Variants in HDAC10 observed in about 807,000 individuals in gnomAD.
The protein encoded by HDAC10 is histone deacetylase 10, also known as polyamine deacetylase HDAC10.
HDAC10 carries 90 observed loss-of-function variants against 82.3 expected under a neutral mutation model. The observed-to-expected ratio is 1.09, with a 90% CI of 0.92 to 1.30. The LOEUF is 1.30. Ranked by LOEUF, HDAC10 falls within the 50% of genes most tolerant of loss-of-function variation. The probability of loss-of-function intolerance (pLI) is 0.00; values close to 1 mark genes in which losing one functional copy is unlikely to be tolerated. For missense variants in HDAC10, 934 were observed against 876.3 expected (o/e 1.07, Z -0.83); for synonymous variants, 456 against 391.7 (o/e 1.16, Z -1.94).
In HDAC10 at chr22:50,246,877, C is replaced by G. The variant is rs1205163162; in HGVS notation, c.1512G>C (p.Gln504His). The part of the protein sequence containing the change: ...AVRRGLSHGA[Q>H]RLLCVALGQL... ...CAGGATGGCCAAGTGAGGCTTACCT[C>G]TGGGCTCCGTGGGACAGGCCTCTCC... The change falls in exon 15 of 20, where the codon CAG becomes CAC. Residue 504 changes from glutamine (Q) to histidine (H), a missense_variant and splice_region_variant. Coordinates refer to ENST00000216271, the MANE Select transcript of HDAC10 (RefSeq NM_032019.6). 1 of 1,611,600 alleles carries G rather than the reference C, an allele frequency of 6.2e-7. No individual in the cohort carries two copies. The highest frequency in any genetic ancestry group is 1.7e-5 in the Admixed American group (1 of 59,898).
At position 50,248,130 on chromosome 22, in the gene HDAC10, G is replaced by A. The variant is rs374905738; in HGVS notation, c.1097C>T (p.Pro366Leu). ...SLQQQDVTAV[P>L]MSPSSHSPEG... ...TGGGGAGTGGCTGCTGGGGCTCATC[G>A]GCACAGCGGTCACATCTAGGGACAG... The change falls in exon 13 of 20, where the codon CCG (proline) becomes CTG (leucine). Residue 366 changes from proline to leucine, a missense_variant. Transcript: ENST00000216271. This position sits in a 1 kb window ranked among gnomAD's most constrained non-coding sequence, Gnocchi z 5.4. The A allele has an allele frequency of 7.8e-5, 124 of 1,584,420 alleles. No individual in the cohort carries two copies. The highest frequency in any genetic ancestry group is 6.7e-4 in the Middle Eastern group (4 of 5,928).
In HDAC10 at chr22:50,248,874, A is replaced by G. The variant is rs762691781; in HGVS notation, c.773T>C (p.Val258Ala). 2 of 1,611,608 alleles carry G rather than the reference A, an allele frequency of 1.2e-6. No homozygotes were observed. The highest frequency in any genetic ancestry group is 2.2e-5 in the South Asian group (2 of 90,646). ...PLAFEFDPEL[V>A]LVSAGFDSAI... ...TGAGTCAAATCCTGCCGAGACCAGC[A>G]CCAGCTCAGGGTCAAACTACAGGCC... is the stretch of plus-strand genomic sequence containing the variant. Residue 258 changes from valine to alanine, a missense_variant, in exon 9 of 20, where the codon GTG becomes GCG. Transcript: ENST00000216271. The surrounding 1 kb of genome is among the most constrained non-coding windows in gnomAD (Gnocchi z 5.4).
chr22:50,248,885 G>A lies in HDAC10; in HGVS notation c.762C>T (p.Asp254=), dbSNP rs1476957724. The change falls in exon 9 of 20, where the codon GAC becomes GAT. Residue 254 remains aspartate (D), a synonymous_variant. Transcript: ENST00000216271. The surrounding 1 kb of genome is among the most constrained non-coding windows in gnomAD (Gnocchi z 5.4). ...CTGCCGAGACCAGCACCAGCTCAGG[G>A]TCAAACTACAGGCCAGGCCGGAGTG... is the stretch of plus-strand genomic sequence containing the variant. The part of the protein sequence containing the change: ...HLLLPLAFEF[D]PELVLVSAGF... 2 of 1,611,354 alleles carry A rather than the reference G, an allele frequency of 1.2e-6. No individual in the cohort carries two copies. The highest frequency in any genetic ancestry group is 2.2e-5 in the East Asian group (1 of 44,866).
chr22:50,249,532 C>T lies in HDAC10; in HGVS notation c.564-78G>A. 2 of 1,605,444 alleles carry T rather than the reference C, an allele frequency of 1.2e-6. No individual in the cohort carries two copies. Among genetic ancestry groups the T allele is most frequent in the Non-Finnish European group, 8.5e-7 (1 of 1,174,526 alleles). On this transcript the variant is annotated intron_variant, in intron 6 of 19. Transcript: ENST00000216271. This position sits in a 1 kb window ranked among gnomAD's most constrained non-coding sequence, Gnocchi z 4.4. ...CTACAGCTCCCTGTAGAACGCTGAC[C>T]CCTGAGCACATGTCTGTATCTCACC...
At position 50,250,133 on chromosome 22, in the gene HDAC10, C is replaced by A. The variant is rs149121852; in HGVS notation, c.319G>T (p.Ala107Ser). Residue 107 changes from alanine to serine, a missense_variant, in exon 4 of 20, where the codon GCA becomes TCA. Ala to Ser is a moderately conservative substitution (Grantham distance 99). Transcript: ENST00000216271. ...TCCACCAGCTGCAGTCCAGCCCCTG[C>A]GGCCAGCCGCGCGCAGTGAAAGGTA... Reference protein sequence around the residue: ...PSTFHCARLAAGAGLQLVDAV... With the variant: ...PSTFHCARLASGAGLQLVDAV... 2 of 1,612,586 alleles carry A rather than the reference C, an allele frequency of 1.2e-6. No homozygotes were observed. Among genetic ancestry groups the A allele is most frequent in the Non-Finnish European group, 1.7e-6 (2 of 1,179,932 alleles).
Position 50,247,700 on chromosome 22 carries a change from C to G in HDAC10, c.1414G>C (p.Asp472His). The change falls in exon 14 of 20, where the codon GAT (aspartate) becomes CAT (histidine). Residue 472 changes from aspartate to histidine, a missense_variant. Transcript: ENST00000216271. Reference protein sequence around the residue: ...KLLYLLDGMLDGQVNSGIAAT... With the variant: ...KLLYLLDGMLHGQVNSGIAAT... ...CTCCCAGGTGCTCCCACCTGCCCAT[C>G]CAGCATCCCATCTAAGAGGTACAGG... 1 of 1,573,764 alleles carries G rather than the reference C, an allele frequency of 6.4e-7. No individual in the cohort carries two copies.
chr22:50,250,862 G>A lies in HDAC10; in HGVS notation c.103C>T (p.Leu35=), dbSNP rs889170953. Residue 35 remains leucine, a synonymous_variant, in exon 2 of 20, where the codon CTG becomes TTG. Coordinates refer to ENST00000216271, the MANE Select transcript of HDAC10 (RefSeq NM_032019.6). The stretch of plus-strand genomic sequence containing the variant: ...AGGCCGCGCTGCCGCAGGCGATCCA[G>A]GGCTGCGGTCAGGCGCTCAGGACGC... ...IERPERLTAA[L]DRLRQRGLEQ... is the part of the protein sequence containing the mutation. 3 of 1,602,240 alleles carry A rather than the reference G, an allele frequency of 1.9e-6. No homozygotes were observed. The highest frequency in any genetic ancestry group is 1.8e-4 in the Middle Eastern group (1 of 5,416).
chr22:50,246,515 C>G, intron 16 of HDAC10, 139 bp from the exon 17 acceptor site: 2 of 1,008,468 alleles, frequency 2.0e-6, no homozygotes, highest in Admixed American at 1.8e-5. Context: ...GGAGACCCAC[C>G]TGGCATTGCC....
rs1220832018 is a variant in HDAC10, at chr22:50,249,610, G to A, written c.563+25C>T. 1.9e-6 allele frequency: 3 copies of A among 1,612,342 alleles called. No individual in the cohort carries two copies. Among genetic ancestry groups the A allele is most frequent in the Admixed American group, 1.7e-5 (1 of 60,010 alleles). On this transcript the variant is annotated intron_variant, in intron 6 of 19. Transcript: ENST00000216271. The surrounding 1 kb of genome is among the most constrained non-coding windows in gnomAD (Gnocchi z 4.4). Reference sequence around the variant, plus strand: ...ACCCAAAAACTGGGGCTGCAGGGAAGGGTGGTTTCCGCACCCCTGCTCACC... The same window carrying A: ...ACCCAAAAACTGGGGCTGCAGGGAAAGGTGGTTTCCGCACCCCTGCTCACC...
rs140033763 is a variant in HDAC10, at chr22:50,246,132, C to G, written c.1651-40G>C. 7.7e-4 allele frequency: 1,203 copies of G among 1,569,974 alleles called. 10 individuals carry two copies. The African/African-American group carries it at 0.014, about 18-fold the overall frequency. ...GAGCCCAGCTCCTCATCTACGGACA[C>G]CTGCTGGCTCTGGCCTCCCAACCTC... On this transcript the variant is annotated intron_variant, in intron 17 of 19. Transcript: ENST00000216271.
At position 50,249,263 on chromosome 22, in the gene HDAC10, G is replaced by T. The variant is rs1427587135; in HGVS notation, c.690+65C>A. 1.0e-5 allele frequency: 15 copies of T among 1,447,270 alleles called. No individual in the cohort carries two copies. In the Admixed American group the frequency reaches 1.6e-4, roughly 16 times the overall value. 89.7% of individuals were successfully genotyped at this position (1,447,270 alleles called of 1,614,324 possible). A position where few individuals can be genotyped will look rare whatever the true frequency, so the allele number is the denominator to read the frequency against. ...GGGACCTGGGGCTTGAGGGTGAACT[G>T]TGGGGGAGGGGAGGGGCCCAGGGGG... On this transcript the variant is annotated intron_variant, in intron 7 of 19. Transcript: ENST00000216271. This position sits in a 1 kb window ranked among gnomAD's most constrained non-coding sequence, Gnocchi z 4.4.
Position 50,247,107 on chromosome 22 carries a change from A to G in HDAC10, c.1423-141T>C, listed in dbSNP as rs941995771. On this transcript the variant is annotated intron_variant, in intron 14 of 19. Coordinates refer to ENST00000216271, the MANE Select transcript of HDAC10 (RefSeq NM_032019.6). ...TTCTTACACTAAGGTCAATCACTCC[A>G]TTTCTGTAAATAAGATGCTTACGTC... 5.7e-6 allele frequency: 3 copies of G among 524,498 alleles called. No homozygotes were observed. The African/African-American group carries it at 5.9e-5, about 10-fold the overall frequency. 32.5% of individuals were successfully genotyped at this position (524,498 alleles called of 1,614,324 possible). A position where few individuals can be genotyped will look rare whatever the true frequency, so the allele number is the denominator to read the frequency against.
chr22:50,250,721 G>A (rs759824595), intron 2 of HDAC10, 50 bp downstream of exon 2: 7 of 1,503,230 alleles, frequency 4.7e-6, no homozygotes, highest in Non-Finnish European at 6.2e-6. Flanking sequence ...TAGGTTTCTA[G>A]CTGGGCTGCC....
At position 50,248,927 on chromosome 22, in the gene HDAC10, AG is replaced by A; in HGVS notation, c.757-38del. ...GCCGGAGTGGGGAGGGTCGACAGAGAGGGGCTGGAGCCCAGGTGAGGGCGAG... is the reference window on the plus strand; with the variant it reads ...GCCGGAGTGGGGAGGGTCGACAGAGAGGGCTGGAGCCCAGGTGAGGGCGAG... On this transcript the variant is annotated intron_variant, in intron 8 of 19. Transcript: ENST00000216271. The surrounding 1 kb of genome is among the most constrained non-coding windows in gnomAD (Gnocchi z 5.4). 1 of 1,596,708 alleles carries A rather than the reference AG, an allele frequency of 6.3e-7. No individual in the cohort carries two copies.
At position 50,246,960 on chromosome 22, in the gene HDAC10, T is replaced by C. The variant is rs751983554; in HGVS notation, c.1429A>G (p.Ser477Gly). ...GAGGCTGGAGTGGCTGCTATACCACTGTTCACCTGTGGGATGAATAAACAG... is the reference window on the plus strand; with the variant it reads ...GAGGCTGGAGTGGCTGCTATACCACCGTTCACCTGTGGGATGAATAAACAG... ...LDGMLDGQVNSGIAATPASAA... is the reference protein window; with the variant it reads ...LDGMLDGQVNGGIAATPASAA... Residue 477 changes from serine to glycine, a missense_variant, in exon 15 of 20, where the codon AGT becomes GGT. Coordinates refer to ENST00000216271, the MANE Select transcript of HDAC10 (RefSeq NM_032019.6). 1.2e-6 allele frequency: 2 copies of C among 1,601,610 alleles called. No individual in the cohort carries two copies. The highest frequency in any genetic ancestry group is 1.1e-5 in the South Asian group (1 of 90,144).
chr22:50,245,266 T>G lies in HDAC10; in HGVS notation c.*241A>C. ...GCAGGGGCCGGAACGGGACCGAGCG[T>G]GGGTTGCATGGGCCTCGATGGGACG... On this transcript the variant is annotated 3_prime_UTR_variant, in exon 20 of 20. Transcript: ENST00000216271. 10 of 561,210 alleles carry G rather than the reference T, an allele frequency of 1.8e-5. No homozygotes were observed. The highest frequency in any genetic ancestry group is 6.1e-5 in the East Asian group (2 of 32,956). 34.8% of individuals were successfully genotyped at this position (561,210 alleles called of 1,614,324 possible).
At chr22:50,246,778 A>C in intron 15 of HDAC10, 43 bp from the exon 16 acceptor site, 1 of 1,609,334 alleles carries the variant, frequency 6.2e-7, no homozygotes, top group Non-Finnish European at 8.5e-7. Flanking sequence ...CATGTTGTCC[A>C]GAGTCCATTC....
Position 50,249,988 on chromosome 22 carries a change from G to A in HDAC10, c.390-24C>T, listed in dbSNP as rs1327298090. ...GCCTACGGCGTGAGAGTAGGATTTGGGTCACGTCAGGGTCGCCCTGGCCCC... is the reference window on the plus strand; with the variant it reads ...GCCTACGGCGTGAGAGTAGGATTTGAGTCACGTCAGGGTCGCCCTGGCCCC... On this transcript the variant is annotated intron_variant, in intron 4 of 19. Coordinates refer to ENST00000216271, the MANE Select transcript of HDAC10 (RefSeq NM_032019.6). The surrounding 1 kb of genome is among the most constrained non-coding windows in gnomAD (Gnocchi z 4.4). 6.2e-7 allele frequency: 1 copy of A among 1,610,462 alleles called. No individual in the cohort carries two copies.
rs556993927 is a variant in HDAC10, at chr22:50,248,520, G to A, written c.907-48C>T. ...ATTGGGGCAGAGATATCACTGGGAT[G>A]GGATGTCACCGGGAGAGCCCCTGCC... On this transcript the variant is annotated intron_variant, in intron 10 of 19. Coordinates refer to ENST00000216271, the MANE Select transcript of HDAC10 (RefSeq NM_032019.6). This position sits in a 1 kb window ranked among gnomAD's most constrained non-coding sequence, Gnocchi z 5.4. 3 of 1,560,840 alleles carry A rather than the reference G, an allele frequency of 1.9e-6. No individual in the cohort carries two copies. The highest frequency in any genetic ancestry group is 2.3e-5 in the East Asian group (1 of 42,896).
Sources: allele counts gnomAD v4.1 joint callset, GRCh38; gene constraint gnomAD v4.1.1; non-coding constraint Gnocchi (gnomAD v3.1); transcripts MANE v1.5; gene names NCBI Gene and HGNC (gene_info 2026-07-23, HGNC 2026-07-21).